Variants in GPR89A observed in about 807,000 individuals in gnomAD.
GPR89A encodes the protein golgi pH regulator A.
GPR89A carries 16 observed loss-of-function variants against 52.0 expected under a neutral mutation model. The ratio of observed to expected loss-of-function variants is 0.31; its 90% confidence interval spans 0.21 to 0.47. The LOEUF (loss-of-function observed/expected upper bound fraction) is 0.47, where lower values mean the gene tolerates loss of function less well. GPR89A is among the 20% of genes least tolerant of loss of function. The probability of loss-of-function intolerance (pLI) is 1.00; values close to 1 mark genes in which losing one functional copy is unlikely to be tolerated. For missense variants in GPR89A, 135 were observed against 449.4 expected, an observed-to-expected ratio of 0.30 and a Z score of 6.33; for synonymous variants, 55 against 150.9, an observed-to-expected ratio of 0.36 and a Z score of 4.66.
intron 12 of GPR89A, among the ~76,000 whole-genome samples, chr1:145,667,199 C>T (rs1652627035): frequency 6.6e-6 from 1 of 152,168 alleles, no homozygotes; most frequent in Admixed American, 6.5e-5. Flanking sequence ...TACAGTCCCA[C>T]CAACAGTGTA....
At chr1:145,615,454 C>T (rs1280102456) in intron 1 of GPR89A, among the ~76,000 whole-genome samples, 13 of 151,546 alleles carry the variant, frequency 8.6e-5, no homozygotes, top group Admixed American at 2.0e-4. Context: ...GGTGATCTTC[C>T]CACCTCAGCC....
intron 12 of GPR89A, among the ~76,000 whole-genome samples, chr1:145,668,306 C>T (rs1251279019): frequency 6.6e-6 from 1 of 152,094 alleles, no homozygotes; most frequent in Non-Finnish European, 1.5e-5. Flanking sequence ...AAATTGGATT[C>T]CTAGGTATTT....
At chr1:145,619,913 G>A (rs587745821) in intron 3 of GPR89A, among the ~76,000 whole-genome samples, 1 of 152,172 alleles carries the variant, frequency 6.6e-6, no homozygotes, top group South Asian at 2.1e-4. Flanking sequence ...TACTTGGGGG[G>A]CTGAGGCAGG....
intron 1 of GPR89A, among the ~76,000 whole-genome samples, chr1:145,609,680 A>G (rs1648113115): frequency 6.6e-6 from 1 of 152,230 alleles, no homozygotes; most frequent in Non-Finnish European, 1.5e-5. Flanking sequence ...GATTTTTAGC[A>G]TGGATATAAT....
At chr1:145,667,798 A>C (rs1450636653) in intron 12 of GPR89A, among the ~76,000 whole-genome samples, 1 of 152,120 alleles carries the variant, frequency 6.6e-6, no homozygotes, top group Non-Finnish European at 1.5e-5. Context: ...ATGGCTAGCC[A>C]GTTTTCCCAG....
At chr1:145,649,504 T>A (rs1453195857) in intron 10 of GPR89A, among the ~76,000 whole-genome samples, 1 of 149,910 alleles carries the variant, frequency 6.7e-6, no homozygotes, top group Non-Finnish European at 1.5e-5. Flanking sequence ...TGCTGAGTAG[T>A]GTTTCCGTGG....
At chr1:145,652,426 A>G (rs1321349293) in intron 10 of GPR89A, among the ~76,000 whole-genome samples, 13 of 147,052 alleles carry the variant, frequency 8.8e-5, no homozygotes, top group South Asian at 2.2e-4. Flanking sequence ...TTTCACATCA[A>G]TGTTCTTCAG....
chr1:145,659,059 G>A (rs1652006918), intron 10 of GPR89A, among the ~76,000 whole-genome samples: 2 of 152,060 alleles, frequency 1.3e-5, no homozygotes, highest in Admixed American at 1.3e-4. Flanking sequence ...TTATATCCGT[G>A]AGCCACCATG....
At chr1:145,628,421 T>C (rs587772628) in intron 5 of GPR89A, among the ~76,000 whole-genome samples, 2 of 152,068 alleles carry the variant, frequency 1.3e-5, no homozygotes, top group East Asian at 3.9e-4. Flanking sequence ...GAAACAAGGA[T>C]TGGAAAATGT....
intron 7 of GPR89A, among the ~76,000 whole-genome samples, chr1:145,643,197 ACT>A (rs1461022801): frequency 6.6e-6 from 1 of 151,580 alleles, no homozygotes; most frequent in South Asian, 2.1e-4. Flanking sequence ...ATGGAGTCTC[ACT>A]CTGTCACCTG....
intron 10 of GPR89A, among the ~76,000 whole-genome samples, chr1:145,656,186 A>C (rs1651795700): frequency 6.6e-6 from 1 of 152,048 alleles, no homozygotes; most frequent in Non-Finnish European, 1.5e-5. Context: ...CTGTCCCGGG[A>C]ACTTGGTCGT....
intron 10 of GPR89A, among the ~76,000 whole-genome samples, chr1:145,654,426 G>T (rs782440441): frequency 7.9e-5 from 12 of 151,528 alleles, no homozygotes; most frequent in Non-Finnish European, 1.8e-4. Flanking sequence ...GGTGGCAGGC[G>T]CCTGTAGTCC....
At chr1:145,620,415 A>G (rs1649059196) in intron 3 of GPR89A, among the ~76,000 whole-genome samples, 1 of 151,646 alleles carries the variant, frequency 6.6e-6, no homozygotes, top group Admixed American at 6.6e-5. Flanking sequence ...TTCTAAAGCT[A>G]TATTTACTGT....
intron 5 of GPR89A, among the ~76,000 whole-genome samples, chr1:145,628,816 T>G (rs1344008937): frequency 2.6e-5 from 4 of 152,196 alleles, no homozygotes; most frequent in Non-Finnish European, 5.9e-5. Flanking sequence ...GAAGAAAAGG[T>G]GACAATAACT....
At chr1:145,608,356 G>C (rs1367620662) in intron 1 of GPR89A, 181 bp downstream of exon 1, 5 of 1,117,548 alleles carry the variant, frequency 4.5e-6, no homozygotes, top group South Asian at 2.8e-5. Flanking sequence ...AGCCCCGGCT[G>C]TCAGGAGACT....
At chr1:145,668,813 A>G (rs1204008659) in intron 12 of GPR89A, among the ~76,000 whole-genome samples, 2 of 152,174 alleles carry the variant, frequency 1.3e-5, no homozygotes, top group Non-Finnish European at 2.9e-5. Flanking sequence ...CCTTTTCTGC[A>G]TCTATTGAGA....
At position 145,608,219 on chromosome 1, in the gene GPR89A, A is replaced by C. The variant is rs374536797; in HGVS notation, c.42+44A>C. The C allele has an allele frequency of 1.4e-5, 22 of 1,613,000 alleles. No individual in the cohort carries two copies. In the African/African-American group the frequency reaches 2.5e-4, roughly 19 times the overall value. ...CCCCGACACCCGTCCGCCTCCCTTT[A>C]CCGAATCGCCCTCTCCGGTCCTCCG... On this transcript the variant is annotated intron_variant, in intron 1 of 13. Transcript: ENST00000313835.
At chr1:145,615,285 A>C (rs1553686757) in intron 1 of GPR89A, among the ~76,000 whole-genome samples, 1 of 151,858 alleles carries the variant, frequency 6.6e-6, no homozygotes, top group African/African-American at 2.4e-5. Context: ...GCTTTCTACT[A>C]CTCCTCTAAT....
At chr1:145,617,269 G>A (rs1377545289) in intron 2 of GPR89A, among the ~76,000 whole-genome samples, 2 of 152,194 alleles carry the variant, frequency 1.3e-5, no homozygotes, top group African/African-American at 4.8e-5. Flanking sequence ...GCAAGAAGAA[G>A]AGTATGACTC....
Sources: gnomAD v4.1 joint callset for allele counts (sites outside exome capture counted in the v4.1 genomes callset) on GRCh38, gnomAD v4.1.1 for gene constraint, MANE v1.5 for transcripts, NCBI Gene and HGNC (gene_info 2026-07-23, HGNC 2026-07-21) for gene names.